The following FAM241A variants were observed in gnomAD, a reference collection of about 807,000 sequenced individuals.
FAM241A encodes uncharacterized protein FAM241A.
In FAM241A, 7 loss-of-function variants were observed where a neutral mutation model predicts 12.2. The ratio of observed to expected loss-of-function variants is 0.58; its 90% CI spans 0.33 to 1.08. The LOEUF is 1.08. FAM241A is among the 50% of genes least tolerant of loss of function. The pLI is 0.04. For missense variants in FAM241A, 161 were observed against 169.7 expected, an observed-to-expected ratio of 0.95 and a Z score of 0.29; for synonymous variants, 74 against 68.2, an observed-to-expected ratio of 1.08 and a Z score of -0.42.
At chr4:112,162,953 G>A (rs867763313) in intron 1 of FAM241A, among the ~76,000 whole-genome samples, 19 of 152,148 alleles carry the variant, frequency 1.2e-4, no homozygotes, top group Middle Eastern at 3.4e-3. Flanking sequence ...GTACTGCTAC[G>A]AAAACAGAGA....
chr4:112,178,217 A>AACC (rs1431061422), intron 1 of FAM241A, among the ~76,000 whole-genome samples: 2 of 152,212 alleles, frequency 1.3e-5, no homozygotes, highest in African/African-American at 4.8e-5. Flanking sequence ...AGAACCAGAG[A>AACC]ATATGATATC....
chr4:112,145,833 G>A (rs1424307536), intron 1 of FAM241A, 100 bp downstream of exon 1: 2 of 722,110 alleles, frequency 2.8e-6, no homozygotes, highest in Non-Finnish European at 3.5e-6. Flanking sequence ...CCGCGCCGCA[G>A]CTCTGCCCCG....
At chr4:112,153,824 G>A (rs1723297664) in intron 1 of FAM241A, among the ~76,000 whole-genome samples, 1 of 151,896 alleles carries the variant, frequency 6.6e-6, no homozygotes, top group South Asian at 2.1e-4. Context: ...TTAACTTTAT[G>A]GAAAATAAAG....
At chr4:112,172,443 C>T (rs1437304777) in intron 1 of FAM241A, among the ~76,000 whole-genome samples, 1 of 152,136 alleles carries the variant, frequency 6.6e-6, no homozygotes, top group Non-Finnish European at 1.5e-5. Context: ...AACCAGCTAT[C>T]CTTTTATATA....
chr4:112,175,238 G>T (rs1408998432), intron 1 of FAM241A, among the ~76,000 whole-genome samples: 2 of 152,108 alleles, frequency 1.3e-5, no homozygotes, highest in African/African-American at 4.8e-5. Flanking sequence ...CAATGAAACC[G>T]TCTCTATCCA....
At chr4:112,185,038 A>T (rs1354174604) in intron 1 of FAM241A, among the ~76,000 whole-genome samples, 1 of 152,156 alleles carries the variant, frequency 6.6e-6, no homozygotes. Flanking sequence ...TATACGGCAT[A>T]CTTAATGGTA....
intron 1 of FAM241A, among the ~76,000 whole-genome samples, chr4:112,178,280 T>C (rs561969189): frequency 2.6e-5 from 4 of 152,308 alleles, no homozygotes; most frequent in African/African-American, 9.6e-5. Flanking sequence ...GACTTTGAGA[T>C]GTGGAGAGTA....
rs10213022 is a variant in FAM241A, at chr4:112,176,902, C to T, written c.154-9791C>T. Among the ~76,000 whole-genome samples, 411 of 152,152 alleles carry T rather than the reference C, an allele frequency of 2.7e-3. 1 individual carries two copies. Among genetic ancestry groups the T allele is most frequent in the African/African-American group, 8.9e-3 (371 of 41,546 alleles). The stretch of plus-strand genomic sequence containing the variant: ...TTTTGGCAAAGACAAAAGTGATTAA[C>T]GATAGAACAGGAAAAAAAAGCTCCA... On this transcript the variant is annotated intron_variant, in intron 1 of 1. Transcript: ENST00000309733.
At chr4:112,182,954 C>T (rs964603767) in intron 1 of FAM241A, among the ~76,000 whole-genome samples, 1 of 150,826 alleles carries the variant, frequency 6.6e-6, no homozygotes, top group East Asian at 2.0e-4. Flanking sequence ...TCCTTTTCCA[C>T]GTTCTTTTTT....
At chr4:112,181,534 A>C (rs2110434378) in intron 1 of FAM241A, among the ~76,000 whole-genome samples, 1 of 152,346 alleles carries the variant, frequency 6.6e-6, no homozygotes, top group South Asian at 2.1e-4. Flanking sequence ...CTAGTTCATG[A>C]AGTTTATAGT....
At chr4:112,185,234 A>G (rs971789493) in intron 1 of FAM241A, among the ~76,000 whole-genome samples, 1 of 152,104 alleles carries the variant, frequency 6.6e-6, no homozygotes, top group African/African-American at 2.4e-5. Context: ...TGATTCTACT[A>G]GGGTCTGGGG....
chr4:112,149,035 A>C (rs998109297), intron 1 of FAM241A, among the ~76,000 whole-genome samples: 9 of 152,160 alleles, frequency 5.9e-5, no homozygotes, highest in African/African-American at 9.7e-5. Context: ...GAAAATTAGA[A>C]CTATAGAAAG....
intron 1 of FAM241A, among the ~76,000 whole-genome samples, chr4:112,152,687 C>A (rs1232546751): frequency 6.6e-6 from 1 of 152,138 alleles, no homozygotes; most frequent in East Asian, 1.9e-4. Flanking sequence ...TTCTCTTCTT[C>A]TGCATACATC....
At chr4:112,155,028 G>A (rs906070668) in intron 1 of FAM241A, among the ~76,000 whole-genome samples, 14 of 151,682 alleles carry the variant, frequency 9.2e-5, no homozygotes, top group Non-Finnish European at 1.5e-4. Context: ...GCAAAACTCC[G>A]TCTGCGCCCA....
chr4:112,149,473 T>C (rs1723204562), intron 1 of FAM241A, among the ~76,000 whole-genome samples: 1 of 152,238 alleles, frequency 6.6e-6, no homozygotes, highest in African/African-American at 2.4e-5. Flanking sequence ...TCAAGCTTTC[T>C]TTTATAAATC....
chr4:112,181,808 C>G (rs1401766068), intron 1 of FAM241A, among the ~76,000 whole-genome samples: 1 of 152,074 alleles, frequency 6.6e-6, no homozygotes, highest in East Asian at 1.9e-4. Flanking sequence ...GGCCAGAGAC[C>G]CAGATAGAAG....
chr4:112,149,038 A>G (rs567989195), intron 1 of FAM241A, among the ~76,000 whole-genome samples: 12 of 152,294 alleles, frequency 7.9e-5, no homozygotes, highest in South Asian at 2.1e-4. Context: ...AATTAGAACT[A>G]TAGAAAGATC....
intron 1 of FAM241A, among the ~76,000 whole-genome samples, chr4:112,166,313 G>A (rs1021650505): frequency 4.0e-5 from 6 of 151,690 alleles, no homozygotes; most frequent in South Asian, 2.1e-4. Context: ...CTCGTGATCC[G>A]CCTGCCTTGG....
chr4:112,145,766 C>T, intron 1 of FAM241A, 33 bp downstream of exon 1: 1 of 951,652 alleles, frequency 1.1e-6, no homozygotes. Flanking sequence ...GCGAAGCGGC[C>T]GGGTCGGGGG....
Sources: allele counts gnomAD v4.1 joint callset (sites outside exome capture counted in the v4.1 genomes callset), GRCh38; gene constraint gnomAD v4.1.1; transcripts MANE v1.5; gene names NCBI Gene and HGNC (gene_info 2026-07-23, HGNC 2026-07-21).